The following TTC29 variants were observed in gnomAD, a reference collection of about 807,000 sequenced individuals.
TTC29 encodes the protein tetratricopeptide repeat protein 29.
A neutral mutation model predicts 58.1 loss-of-function variants in TTC29; 49 were observed. That is an observed-to-expected ratio of 0.84 (90% CI 0.67 to 1.07). The LOEUF (loss-of-function observed/expected upper bound fraction) is 1.07. Among genes scored for constraint, TTC29 ranks in the 50% least tolerant of loss-of-function variants. TTC29 has a pLI of 0.00. For missense variants in TTC29, 582 were observed against 555.6 expected, an observed-to-expected ratio of 1.05 and a Z score of -0.48; for synonymous variants, 209 against 196.8, an observed-to-expected ratio of 1.06 and a Z score of -0.52.
At chr4:146,927,470 C>G (rs1735018564) in intron 4 of TTC29, among the ~76,000 whole-genome samples, 1 of 152,104 alleles carries the variant, frequency 6.6e-6, no homozygotes, top group East Asian at 1.9e-4. Context: ...TCTACACTCT[C>G]TTTCCATTTT....
intron 11 of TTC29, among the ~76,000 whole-genome samples, chr4:146,716,132 T>A (rs567360249): frequency 6.6e-6 from 1 of 152,306 alleles, no homozygotes; most frequent in East Asian, 1.9e-4. Flanking sequence ...ATTTAAACAT[T>A]AATTTGAAAA....
chr4:146,867,495 T>C lies in TTC29; in HGVS notation c.885+3A>G. The C allele has an allele frequency of 7.0e-7, 1 of 1,437,760 alleles. No individual in the cohort carries two copies. The allele number at this position is 1,437,760 out of a possible 1,614,324, so 89.1% of individuals were successfully genotyped here. ...AATGGCAGTGATTAAAAGTTTAGCT[T>C]ACTGTTAATGCTGTTTCATATTCCT... On this transcript the variant is annotated splice_donor_region_variant and intron_variant, in intron 8 of 12. Coordinates refer to ENST00000325106, the MANE Select transcript of TTC29 (RefSeq NM_031956.4).
chr4:146,893,820 C>T (rs1344976178), intron 6 of TTC29, among the ~76,000 whole-genome samples: 2 of 152,160 alleles, frequency 1.3e-5, no homozygotes, highest in Admixed American at 6.5e-5. Context: ...CTACAAGGAA[C>T]TCCAACAAAT....
chr4:146,803,599 T>C lies in TTC29; in HGVS notation c.1188A>G (p.Thr396=), dbSNP rs1750391458. ...CTTTTGCTATTCCATAGTGAACTTT[T>C]GTCTCATCCATCAGAGGCATGCTCA... ...ELMSMPLMDE[T]KVHYGIAKAH... is the part of the protein sequence containing the mutation. Residue 396 remains threonine, a synonymous_variant, in exon 11 of 13, where the codon ACA becomes ACG. Coordinates refer to ENST00000325106, the MANE Select transcript of TTC29 (RefSeq NM_031956.4). The C allele has an allele frequency of 4.3e-6, 7 of 1,609,246 alleles. No individual in the cohort carries two copies. Among genetic ancestry groups the C allele is most frequent in the Non-Finnish European group, 5.9e-6 (7 of 1,177,500 alleles).
chr4:146,772,152 C>T (rs940992328), intron 11 of TTC29, among the ~76,000 whole-genome samples: 4 of 151,930 alleles, frequency 2.6e-5, no homozygotes, highest in Non-Finnish European at 2.9e-5. Context: ...GATATTAGAC[C>T]TTTGTTGGAT....
intron 9 of TTC29, among the ~76,000 whole-genome samples, chr4:146,826,789 TG>T (rs1727828941): frequency 6.6e-6 from 1 of 152,072 alleles, no homozygotes; most frequent in Non-Finnish European, 1.5e-5. Flanking sequence ...CCATATTTCT[TG>T]GAGGCTTTGT....
At chr4:146,775,915 A>C (rs369493745) in intron 11 of TTC29, among the ~76,000 whole-genome samples, 1 of 152,308 alleles carries the variant, frequency 6.6e-6, no homozygotes, top group East Asian at 1.9e-4. Context: ...GTCTCTTTAC[A>C]TAATCCCATA....
chr4:146,931,675 T>C (rs1237073748), intron 4 of TTC29, among the ~76,000 whole-genome samples: 1 of 152,232 alleles, frequency 6.6e-6, no homozygotes, highest in African/African-American at 2.4e-5. Context: ...GACATCTTTT[T>C]TTAATGTCTA....
chr4:146,723,030 T>A (rs192964159), intron 11 of TTC29, among the ~76,000 whole-genome samples: 6 of 152,234 alleles, frequency 3.9e-5, no homozygotes, highest in Non-Finnish European at 7.4e-5. Context: ...GCAGATCACC[T>A]GAGGTCAGGG....
chr4:146,822,122 A>T (rs61689537), intron 9 of TTC29, among the ~76,000 whole-genome samples: 31,235 of 107,764 alleles, frequency 0.29, 3,486 homozygotes, highest in East Asian at 0.43. Flanking sequence ...ATTTTCTTTT[A>T]AAAAAAAAAA....
intron 10 of TTC29, among the ~76,000 whole-genome samples, chr4:146,814,994 G>A (rs1187694689): frequency 1.3e-5 from 2 of 152,148 alleles, no homozygotes; most frequent in Non-Finnish European, 2.9e-5. Context: ...AAGCAATGAG[G>A]TCAGAGATAG....
At chr4:146,888,699 C>G (rs537011332) in intron 6 of TTC29, among the ~76,000 whole-genome samples, 1 of 152,254 alleles carries the variant, frequency 6.6e-6, no homozygotes, top group Admixed American at 6.5e-5. Flanking sequence ...GGCTCCTTCT[C>G]TGCTTTTCAT....
At position 146,767,189 on chromosome 4, in the gene TTC29, T is replaced by C. The variant is rs565630605; in HGVS notation, c.1330+36268A>G. Among the ~76,000 whole-genome samples, 12 of 152,162 alleles carry C rather than the reference T, an allele frequency of 7.9e-5. No homozygotes were observed. In the South Asian group the frequency reaches 8.3e-4, roughly 11 times the overall value. ...AAATCATTCCCCTTGTAGTTAATCA[T>C]ATCTGATAGCTAGAATCAGAGAGCC... On this transcript the variant is annotated intron_variant, in intron 11 of 12. Coordinates refer to ENST00000325106, the MANE Select transcript of TTC29 (RefSeq NM_031956.4).
chr4:146,893,353 A>G (rs1732517609), intron 6 of TTC29, among the ~76,000 whole-genome samples: 1 of 152,214 alleles, frequency 6.6e-6, no homozygotes, highest in African/African-American at 2.4e-5. Context: ...ATGGAACAGA[A>G]CAGAGCCCTC....
At chr4:146,914,882 C>T (rs2150293298) in intron 4 of TTC29, among the ~76,000 whole-genome samples, 1 of 152,156 alleles carries the variant, frequency 6.6e-6, no homozygotes, top group African/African-American at 2.4e-5. Flanking sequence ...TGGCATAACT[C>T]CACAGCAGGT....
intron 6 of TTC29, among the ~76,000 whole-genome samples, chr4:146,903,076 G>C (rs1489629188): frequency 6.6e-6 from 1 of 151,864 alleles, no homozygotes; most frequent in Admixed American, 6.6e-5. Flanking sequence ...TTAGATTTTG[G>C]CTTGTCTTAA....
At chr4:146,713,767 A>G (rs540338133) in intron 11 of TTC29, among the ~76,000 whole-genome samples, 1 of 152,220 alleles carries the variant, frequency 6.6e-6, no homozygotes, top group Admixed American at 6.5e-5. Flanking sequence ...CTTACACACC[A>G]TTATTCTGAA....
chr4:146,886,810 A>G (rs961237516), intron 6 of TTC29, among the ~76,000 whole-genome samples: 1 of 152,078 alleles, frequency 6.6e-6, no homozygotes, highest in Non-Finnish European at 1.5e-5. Flanking sequence ...AAAACAGTGA[A>G]TCTAAGATCT....
At chr4:146,781,232 G>A (rs541942257) in intron 11 of TTC29, among the ~76,000 whole-genome samples, 8 of 152,006 alleles carry the variant, frequency 5.3e-5, no homozygotes, top group South Asian at 2.1e-4. Context: ...TAGAATAATC[G>A]CTGGATTGAA....
Sources: allele counts gnomAD v4.1 joint callset (sites outside exome capture counted in the v4.1 genomes callset), GRCh38; gene constraint gnomAD v4.1.1; transcripts MANE v1.5; gene names NCBI Gene and HGNC (gene_info 2026-07-23, HGNC 2026-07-21).